Variants in SCN3A observed in about 807,000 individuals in gnomAD.
SCN3A encodes the protein sodium voltage-gated channel alpha subunit 3, also known as sodium channel protein type 3 subunit alpha.
Under a neutral mutation model 187.6 loss-of-function variants are expected in SCN3A, and 60 were observed. That is an observed-to-expected ratio of 0.32 (90% CI 0.26 to 0.40). The LOEUF (loss-of-function observed/expected upper bound fraction) is 0.40, where lower values mean the gene tolerates loss of function less well. Among genes scored for constraint, SCN3A ranks in the 10% least tolerant of loss-of-function variants. SCN3A has a pLI of 1.00. For missense variants in SCN3A, 1,601 were observed against 2,428.2 expected (o/e 0.66, Z 7.16); for synonymous variants, 788 against 829.2 (o/e 0.95, Z 0.85).
Position 165,180,925 on chromosome 2 carries a change from G to A in SCN3A, c.-50-4481C>T, listed in dbSNP as rs959121144. On this transcript the variant is annotated intron_variant, in intron 2 of 27. Coordinates refer to ENST00000283254, the MANE Select transcript of SCN3A (RefSeq NM_006922.4). ...TGAACCCAAAGAACTTTTGTTTATC[G>A]GGGGACTTAGCTATCCATACTTACC... Among the ~76,000 whole-genome samples the A allele has an allele frequency of 3.3e-5, 5 of 152,082 alleles. 1 individual carries two copies. The East Asian group carries it at 5.8e-4, about 18-fold the overall frequency.
At position 165,131,434 on chromosome 2, in the gene SCN3A, A is replaced by G. The variant is rs1311580400; in HGVS notation, c.2392-17T>C. 6.3e-7 allele frequency: 1 copy of G among 1,588,166 alleles called. No homozygotes were observed. Among genetic ancestry groups the G allele is most frequent in the African/African-American group, 1.3e-5 (1 of 74,346 alleles). ...AGTAAAGACCTAAAAAATAGAGATC[A>G]GCACTACTTCAAGAGCACTGAAAAA... is the stretch of plus-strand genomic sequence containing the variant. On this transcript the variant is annotated splice_polypyrimidine_tract_variant and intron_variant, in intron 15 of 27. Transcript: ENST00000283254.
intron 18 of SCN3A, among the ~76,000 whole-genome samples, chr2:165,117,193 G>T (rs1256230626): frequency 6.6e-6 from 1 of 151,902 alleles, no homozygotes; most frequent in East Asian, 1.9e-4. Context: ...TAGTTTATGG[G>T]TTAATTACTA....
intron 18 of SCN3A, 31 bp from the exon 19 acceptor site, chr2:165,115,606 A>AT (rs745550775): frequency 1.2e-6 from 2 of 1,610,286 alleles, no homozygotes; most frequent in African/African-American, 1.3e-5. Context: ...CAAAGATGTG[A>AT]TTTTCCCCCT....
intron 21 of SCN3A, among the ~76,000 whole-genome samples, chr2:165,102,015 A>T (rs183531298): frequency 9.3e-4 from 141 of 152,366 alleles, no homozygotes; most frequent in African/African-American, 3.3e-3. Context: ...AAGATTGGAA[A>T]GGTTATTAGA....
At chr2:165,194,123 G>A (rs1306414600) in intron 1 of SCN3A, among the ~76,000 whole-genome samples, 2 of 152,108 alleles carry the variant, frequency 1.3e-5, no homozygotes, top group African/African-American at 4.8e-5. Context: ...AGATAAGAGA[G>A]AGGAAAACAG....
chr2:165,176,083 T>C (rs1395246815), intron 3 of SCN3A, 48 bp downstream of exon 3: 1 of 1,582,048 alleles, frequency 6.3e-7, no homozygotes, highest in East Asian at 2.2e-5. Flanking sequence ...TATATTACAG[T>C]TAAGAGTTTC....
At chr2:165,161,428 G>A (rs1164492305) in intron 9 of SCN3A, among the ~76,000 whole-genome samples, 2 of 151,848 alleles carry the variant, frequency 1.3e-5, no homozygotes, top group African/African-American at 4.8e-5. Context: ...TACAACCTAT[G>A]CTCTTACCCC....
intron 12 of SCN3A, among the ~76,000 whole-genome samples, chr2:165,144,121 T>C (rs1226587827): frequency 2.0e-5 from 3 of 152,186 alleles, no homozygotes; most frequent in Non-Finnish European, 2.9e-5. Flanking sequence ...TACATTTGAT[T>C]TGAGCAGTAT....
intron 24 of SCN3A, 122 bp downstream of exon 24, chr2:165,096,344 CA>C: frequency 1.4e-6 from 1 of 738,788 alleles, no homozygotes; most frequent in Non-Finnish European, 2.4e-6. Flanking sequence ...GCAGACTGTT[CA>C]TTTTTTATAT....
intron 18 of SCN3A, among the ~76,000 whole-genome samples, chr2:165,126,757 A>G (rs1428043638): frequency 6.6e-6 from 1 of 151,960 alleles, no homozygotes; most frequent in Non-Finnish European, 1.5e-5. Context: ...CCTCAAGTGA[A>G]GCTTTTAAAA....
At position 165,087,839 on chromosome 2, in the gene SCN3A, G is replaced by A. The variant is rs962857247; in HGVS notation, c.*2311C>T. The A allele has an allele frequency of 5.9e-5, 9 of 152,148 alleles. No individual in the cohort carries two copies. The highest frequency in any genetic ancestry group is 1.2e-4 in the Non-Finnish European group (8 of 68,002). 9.4% of individuals were successfully genotyped at this position (152,148 alleles called of 1,614,324 possible). Reference sequence around the variant, plus strand: ...AAGAAGATGAGTTTAGATGCTTATAGCCAAGGGAGTTAATTGAAATTGAAA... The same window carrying A: ...AAGAAGATGAGTTTAGATGCTTATAACCAAGGGAGTTAATTGAAATTGAAA... On this transcript the variant is annotated 3_prime_UTR_variant, in exon 28 of 28. Transcript: ENST00000283254.
At chr2:165,097,566 G>C in intron 22 of SCN3A, 42 bp from the exon 23 acceptor site, 1 of 1,607,758 alleles carries the variant, frequency 6.2e-7, no homozygotes, top group East Asian at 2.2e-5. Flanking sequence ...CAAACCTTTT[G>C]AATGGAAACC....
At chr2:165,153,393 A>C (rs1688813111) in intron 11 of SCN3A, among the ~76,000 whole-genome samples, 1 of 152,176 alleles carries the variant, frequency 6.6e-6, no homozygotes, top group South Asian at 2.1e-4. Context: ...AATTTCTTAG[A>C]TCCAAAAGAA....
In SCN3A at chr2:165,090,854, T is replaced by C; in HGVS notation, c.5299A>G (p.Ile1767Val). 1 of 1,614,082 alleles carries C rather than the reference T, an allele frequency of 6.2e-7. No homozygotes were observed. Among genetic ancestry groups the C allele is most frequent in the Non-Finnish European group, 8.5e-7 (1 of 1,180,014 alleles). ...CTGAAGTTCTCCAGGATGACCGCGA[T>C]GTACATGTTCACCACAACCAGGAAG... ...ISFLVVVNMYIAVILENFSVA... is the reference protein window; with the variant it reads ...ISFLVVVNMYVAVILENFSVA... Residue 1767 changes from isoleucine to valine, a missense_variant, in exon 28 of 28, where the codon ATC becomes GTC. By Grantham distance (29) the Ile-to-Val change is conservative (BLOSUM62 3). Around this residue, in one of 11 missense-constraint regions of SCN3A, gnomAD observed 3 missense variants for 32.4 expected, o/e 0.09. Coordinates refer to ENST00000283254, the MANE Select transcript of SCN3A (RefSeq NM_006922.4). The surrounding 1 kb of genome is among the most constrained non-coding windows in gnomAD (Gnocchi z 4.0).
chr2:165,107,515 T>C (rs942638494), intron 21 of SCN3A, among the ~76,000 whole-genome samples: 1 of 152,262 alleles, frequency 6.6e-6, no homozygotes, highest in African/African-American at 2.4e-5. Context: ...CCCAAAGCTC[T>C]TTTAATTTAT....
intron 26 of SCN3A, chr2:165,093,644 C>T (rs531535625): frequency 6.6e-6 from 1 of 152,308 alleles, no homozygotes; most frequent in East Asian, 1.9e-4. Flanking sequence ...CCTTTCCCCT[C>T]TTACCCTGCT....
At chr2:165,139,707 C>A in intron 13 of SCN3A, 99 bp from the exon 14 acceptor site, 1 of 1,458,472 alleles carries the variant, frequency 6.9e-7, no homozygotes, top group South Asian at 1.2e-5. Context: ...GCAATTTTTC[C>A]AGGTAAGAAT....
chr2:165,104,953 C>T (rs1325430835), intron 21 of SCN3A, among the ~76,000 whole-genome samples: 2 of 152,114 alleles, frequency 1.3e-5, no homozygotes, highest in Non-Finnish European at 2.9e-5. Flanking sequence ...TTAAAACATT[C>T]TGGACTGTGG....
At chr2:165,094,319 T>A in intron 26 of SCN3A, 55 bp downstream of exon 26, 1 of 1,239,774 alleles carries the variant, frequency 8.1e-7, no homozygotes, top group Non-Finnish European at 1.2e-6. Flanking sequence ...CATTGCTCAA[T>A]TTGACCATAT....
Sources: allele counts gnomAD v4.1 joint callset (sites outside exome capture counted in the v4.1 genomes callset), GRCh38; gene constraint gnomAD v4.1.1; regional missense constraint gnomAD v4.1.1; non-coding constraint Gnocchi (gnomAD v3.1); transcripts MANE v1.5; gene names NCBI Gene and HGNC (gene_info 2026-07-23, HGNC 2026-07-21).